Variants in ANO4 observed in about 807,000 individuals in gnomAD.
ANO4 encodes the protein anoctamin-4.
In ANO4, 69 loss-of-function variants were observed where a neutral mutation model predicts 141.9. The ratio of observed to expected loss-of-function variants is 0.49; its 90% CI spans 0.40 to 0.59. ANO4 has a LOEUF of 0.59. ANO4 is among the 20% of genes least tolerant of loss of function. The pLI, the probability that ANO4 is intolerant of heterozygous loss-of-function variation, is 0.00. For synonymous variants in ANO4, 350 were observed against 394.3 expected, an observed-to-expected ratio of 0.89 and a Z score of 1.33; for missense variants, 894 against 1,162.2, an observed-to-expected ratio of 0.77 and a Z score of 3.36.
chr12:101,043,340 G>A (rs2047486309), intron 12 of ANO4, among the ~76,000 whole-genome samples, 199 bp from the exon 13 acceptor site: 1 of 152,152 alleles, frequency 6.6e-6, no homozygotes, highest in African/African-American at 2.4e-5. Context: ...ATAAAGATAA[G>A]GAACAGCCTC....
chr12:100,824,435 A>G (rs1442014600), intron 1 of ANO4, among the ~76,000 whole-genome samples: 2 of 152,028 alleles, frequency 1.3e-5, no homozygotes, highest in Non-Finnish European at 2.9e-5. Context: ...CAAACAAACA[A>G]ACAAAAAAAA....
At chr12:101,126,713 C>A (rs1441494753) in intron 26 of ANO4, among the ~76,000 whole-genome samples, 166 bp from the exon 27 acceptor site, 1 of 152,102 alleles carries the variant, frequency 6.6e-6, no homozygotes, top group Non-Finnish European at 1.5e-5. Context: ...GCCATCAGAC[C>A]AGTTCAGGCC....
At chr12:100,754,244 A>G (rs1329423403) in intron 3 of ANO4, among the ~76,000 whole-genome samples, 2 of 152,206 alleles carry the variant, frequency 1.3e-5, no homozygotes, top group African/African-American at 4.8e-5. Context: ...CCCTTCCCAC[A>G]TCTAATTGCT....
At chr12:100,988,737 GGT>G in intron 8 of ANO4, among the ~76,000 whole-genome samples, 1 of 151,662 alleles carries the variant, frequency 6.6e-6, no homozygotes, top group Non-Finnish European at 1.5e-5. Flanking sequence ...TGGGCATGGT[GGT>G]GCACACCTGT....
intron 18 of ANO4, among the ~76,000 whole-genome samples, chr12:101,095,793 A>G (rs1451514723): frequency 6.6e-6 from 1 of 152,226 alleles, no homozygotes; most frequent in Admixed American, 6.5e-5. Flanking sequence ...GGATAAATTC[A>G]TTCGACATGA....
intron 14 of ANO4, among the ~76,000 whole-genome samples, chr12:101,063,745 C>CTTTTTGTTTTT (rs2048447810): frequency 4.0e-5 from 1 of 24,772 alleles, no homozygotes; most frequent in Non-Finnish European, 6.7e-5. Context: ...TCCAGGTTAT[C>CTTTTTGTTTTT]TTTTTTTTTT....
intron 16 of ANO4, among the ~76,000 whole-genome samples, chr12:101,084,803 T>G (rs73379472): frequency 0.057 from 8,705 of 152,292 alleles, 778 homozygotes; most frequent in African/African-American, 0.19. Flanking sequence ...AAGCTTTTCC[T>G]GTTCTATGGA....
intron 1 of ANO4, among the ~76,000 whole-genome samples, chr12:100,881,308 G>C (rs1181560646): frequency 6.7e-6 from 1 of 150,176 alleles, no homozygotes; most frequent in Non-Finnish European, 1.5e-5. Flanking sequence ...AATAAAAAAA[G>C]AAGAAAGGCA....
chr12:101,019,235 A>G (rs1344584569), intron 8 of ANO4, among the ~76,000 whole-genome samples: 2 of 152,192 alleles, frequency 1.3e-5, no homozygotes, highest in African/African-American at 4.8e-5. Flanking sequence ...CAGTATCTCT[A>G]ATATTCTACC....
At chr12:101,043,726 C>A in intron 13 of ANO4, 91 bp downstream of exon 13, 1 of 918,520 alleles carries the variant, frequency 1.1e-6, no homozygotes, top group South Asian at 1.4e-5. Context: ...CATTTCCAGT[C>A]TTTGATTTTC....
At chr12:100,736,706 G>A (rs2031634341) in intron 2 of ANO4, among the ~76,000 whole-genome samples, 2 of 152,184 alleles carry the variant, frequency 1.3e-5, no homozygotes, top group South Asian at 2.1e-4. Context: ...CTGGACTAGG[G>A]TGGGCCCTAC....
intron 3 of ANO4, among the ~76,000 whole-genome samples, chr12:100,764,192 A>G (rs373685445): frequency 1.3e-5 from 2 of 152,240 alleles, no homozygotes; most frequent in African/African-American, 2.4e-5. Flanking sequence ...TATCATAAAA[A>G]TGGTTCTCAA....
chr12:100,997,194 C>T (rs768408569), intron 8 of ANO4, among the ~76,000 whole-genome samples: 8 of 151,860 alleles, frequency 5.3e-5, no homozygotes, highest in Admixed American at 3.3e-4. Flanking sequence ...ATTAGCTAGG[C>T]GTGGTTGCGC....
chr12:101,082,749 G>A (rs902320622), intron 15 of ANO4, among the ~76,000 whole-genome samples: 1 of 151,514 alleles, frequency 6.6e-6, no homozygotes, highest in African/African-American at 2.5e-5. Flanking sequence ...CTCTCTCCAT[G>A]ACCTCTCTTC....
chr12:100,919,782 AATCT>A (rs869167829), intron 2 of ANO4, among the ~76,000 whole-genome samples: 1 of 128,574 alleles, frequency 7.8e-6, no homozygotes, highest in Non-Finnish European at 1.8e-5. Flanking sequence ...CTATCTATCT[AATCT>A]ATCTGTCTAT....
intron 19 of ANO4, among the ~76,000 whole-genome samples, 163 bp from the exon 20 acceptor site, chr12:101,097,488 A>G (rs2050031591): frequency 6.6e-6 from 1 of 152,218 alleles, no homozygotes; most frequent in Admixed American, 6.5e-5. Context: ...GGAGAATTCC[A>G]GAAGCTATGG....
At chr12:100,824,615 A>G (rs544378880) in intron 1 of ANO4, among the ~76,000 whole-genome samples, 83 of 152,148 alleles carry the variant, frequency 5.5e-4, no homozygotes, top group Admixed American at 1.4e-3. Flanking sequence ...GAATAATGCC[A>G]GTTTGTCACA....
chr12:100,993,364 C>T (rs1566101574), intron 8 of ANO4, among the ~76,000 whole-genome samples: 1 of 152,022 alleles, frequency 6.6e-6, no homozygotes, highest in African/African-American at 2.4e-5. Flanking sequence ...TTATTGTATG[C>T]CAGACACTAT....
intron 8 of ANO4, among the ~76,000 whole-genome samples, chr12:101,005,380 A>G (rs61944896): frequency 0.084 from 12,776 of 152,252 alleles, 669 homozygotes; most frequent in Middle Eastern, 0.16. Flanking sequence ...TGAATATTGC[A>G]TTGTTTTCAT....
Sources: gnomAD v4.1 joint callset for allele counts (sites outside exome capture counted in the v4.1 genomes callset) on GRCh38, gnomAD v4.1.1 for gene constraint, MANE v1.5 for transcripts, NCBI Gene and HGNC (gene_info 2026-07-23, HGNC 2026-07-21) for gene names.